TMEM45A: variants seen among roughly 807,000 people sequenced by gnomAD.
TMEM45A encodes the protein DNA polymerase-transactivated protein 4.
TMEM45A carries 25 observed loss-of-function variants against 32.0 expected under a neutral mutation model. That is an observed-to-expected ratio of 0.78 (90% CI 0.57 to 1.09). The LOEUF (loss-of-function observed/expected upper bound fraction) is 1.09. Among genes scored for constraint, TMEM45A ranks in the 50% least tolerant of loss-of-function variants. TMEM45A has a pLI of 0.00. For missense variants in TMEM45A, 302 were observed against 325.0 expected (o/e 0.93, Z 0.54); for synonymous variants, 122 against 114.8 (o/e 1.06, Z -0.40).
intron 3 of TMEM45A, among the ~76,000 whole-genome samples, 190 bp from the exon 4 acceptor site, chr3:100,558,215 A>G (rs1272584006): frequency 2.6e-5 from 4 of 152,190 alleles, no homozygotes; most frequent in Admixed American, 6.5e-5. Flanking sequence ...AGAGGGTTCA[A>G]TTTCAAAGAT....
At chr3:100,517,006 C>T (rs552009946) in intron 1 of TMEM45A, among the ~76,000 whole-genome samples, 13 of 152,308 alleles carry the variant, frequency 8.5e-5, no homozygotes, top group African/African-American at 2.9e-4. Flanking sequence ...ACAGCATCTG[C>T]TCTCACATTG....
At chr3:100,541,010 T>C (rs981989642) in intron 1 of TMEM45A, among the ~76,000 whole-genome samples, 1 of 152,222 alleles carries the variant, frequency 6.6e-6, no homozygotes, top group Non-Finnish European at 1.5e-5. Flanking sequence ...ACTTTAATAA[T>C]AGTCCCTCTG....
chr3:100,573,033 A>G (rs74807496), intron 5 of TMEM45A: 6 of 151,286 alleles, frequency 4.0e-5, no homozygotes, highest in South Asian at 2.1e-4. Flanking sequence ...GTCAGGTAGC[A>G]TGATGCCTCC....
chr3:100,555,456 A>G, intron 2 of TMEM45A, 55 bp downstream of exon 2: 8 of 1,494,358 alleles, frequency 5.4e-6, no homozygotes, highest in Non-Finnish European at 7.2e-6. Context: ...TCATTCTTTT[A>G]AAGAATTGGT....
chr3:100,503,679 T>C (rs1423420355), intron 1 of TMEM45A, among the ~76,000 whole-genome samples: 1 of 152,232 alleles, frequency 6.6e-6, no homozygotes, highest in Admixed American at 6.5e-5. Context: ...ATGAAGCTTT[T>C]TCTTCACAGG....
chr3:100,553,206 A>G (rs1179561783), intron 1 of TMEM45A, among the ~76,000 whole-genome samples: 2 of 152,206 alleles, frequency 1.3e-5, no homozygotes, highest in Non-Finnish European at 2.9e-5. Context: ...TGAGGGGTTA[A>G]GTAACTTGCC....
chr3:100,560,823 T>C (rs1415960732), intron 4 of TMEM45A, among the ~76,000 whole-genome samples: 1 of 152,240 alleles, frequency 6.6e-6, no homozygotes, highest in Non-Finnish European at 1.5e-5. Flanking sequence ...CAGTTAATAA[T>C]GACTAATTAA....
chr3:100,512,327 A>G (rs1030109048), intron 1 of TMEM45A, among the ~76,000 whole-genome samples: 1 of 152,222 alleles, frequency 6.6e-6, no homozygotes. Context: ...ATCTCACTCA[A>G]AAACACTCAA....
At chr3:100,527,730 T>C (rs1705573585) in intron 1 of TMEM45A, among the ~76,000 whole-genome samples, 1 of 152,208 alleles carries the variant, frequency 6.6e-6, no homozygotes, top group African/African-American at 2.4e-5. Flanking sequence ...CGAGGAATCT[T>C]CAGTTCACCT....
At chr3:100,506,028 T>C (rs1224059051) in intron 1 of TMEM45A, among the ~76,000 whole-genome samples, 1 of 152,074 alleles carries the variant, frequency 6.6e-6, no homozygotes, top group Non-Finnish European at 1.5e-5. Context: ...CCCTCAAGGA[T>C]TCAGCATCGT....
chr3:100,508,030 C>T (rs989770247), intron 1 of TMEM45A, among the ~76,000 whole-genome samples: 21 of 151,522 alleles, frequency 1.4e-4, no homozygotes, highest in African/African-American at 4.8e-4. Flanking sequence ...ACCTCTCAGG[C>T]ATGGAAGGAG....
At chr3:100,524,359 G>A (rs889694157) in intron 1 of TMEM45A, among the ~76,000 whole-genome samples, 28 of 152,148 alleles carry the variant, frequency 1.8e-4, no homozygotes, top group African/African-American at 6.0e-4. Context: ...ATTTATTGTT[G>A]TATGAAAGAA....
intron 4 of TMEM45A, among the ~76,000 whole-genome samples, chr3:100,564,473 T>C (rs1049324820): frequency 7.0e-6 from 1 of 142,898 alleles, no homozygotes; most frequent in Admixed American, 6.9e-5. Context: ...TTATTATTAT[T>C]GTTTTTTTTT....
intron 1 of TMEM45A, among the ~76,000 whole-genome samples, chr3:100,497,735 T>G (rs1169394815): frequency 1.3e-5 from 2 of 152,220 alleles, no homozygotes; most frequent in Admixed American, 1.3e-4. Context: ...TGTGCCAGAA[T>G]ATCCTTCCTT....
chr3:100,555,491 T>C, intron 2 of TMEM45A, 90 bp downstream of exon 2: 1 of 1,315,296 alleles, frequency 7.6e-7, no homozygotes, highest in Non-Finnish European at 1.0e-6. Flanking sequence ...TAATTTTATA[T>C]CAATTGTTCT....
intron 1 of TMEM45A, among the ~76,000 whole-genome samples, chr3:100,511,785 C>T (rs183674797): frequency 2.3e-4 from 35 of 151,982 alleles, no homozygotes; most frequent in Admixed American, 6.6e-4. Context: ...GAAGATCTAC[C>T]GAGCAAATGG....
At chr3:100,546,485 C>T (rs932517380) in intron 1 of TMEM45A, among the ~76,000 whole-genome samples, 6 of 152,198 alleles carry the variant, frequency 3.9e-5, no homozygotes, top group African/African-American at 1.4e-4. Context: ...CTTGGAACTA[C>T]AGAATGAAAA....
chr3:100,510,422 G>A (rs1466015707), intron 1 of TMEM45A, among the ~76,000 whole-genome samples: 1 of 152,060 alleles, frequency 6.6e-6, no homozygotes, highest in African/African-American at 2.4e-5. Context: ...TCTGTTAGAA[G>A]GAAAACTAAC....
At chr3:100,539,444 T>TATGCATATGCATATGTATATGC (rs1559644487) in intron 1 of TMEM45A, among the ~76,000 whole-genome samples, 1 of 90,562 alleles carries the variant, frequency 1.1e-5, no homozygotes, top group African/African-American at 3.6e-5. Flanking sequence ...TATGTATATG[T>TATGCATATGCATATGTATATGC]ATATGTATAT....
Sources: gnomAD v4.1 joint callset for allele counts (sites outside exome capture counted in the v4.1 genomes callset) on GRCh38, gnomAD v4.1.1 for gene constraint, MANE v1.5 for transcripts, NCBI Gene and HGNC (gene_info 2026-07-23, HGNC 2026-07-21) for gene names.